Variants in TEX52 observed in about 807,000 individuals in gnomAD.
The protein encoded by TEX52 is testis-expressed protein 52.
A neutral mutation model predicts 17.6 loss-of-function variants in TEX52; 22 were observed. The ratio of observed to expected loss-of-function variants is 1.25; its 90% CI spans 0.89 to 1.78. The LOEUF (loss-of-function observed/expected upper bound fraction) is 1.78. Among genes scored for constraint, TEX52 ranks in the 40% most tolerant of loss-of-function variants. TEX52 has a pLI of 0.00. For synonymous variants in TEX52, 168 were observed against 147.4 expected (o/e 1.14, Z -1.01); for missense variants, 396 against 372.3 (o/e 1.06, Z -0.52).
chr12:2,847,785 G>A (rs911588673), downstream of TEX52, among the ~76,000 whole-genome samples: 3 of 151,958 alleles, frequency 2.0e-5, no homozygotes, highest in South Asian at 2.1e-4. Context: ...GGTACCTCAC[G>A]TAGGTGAAAT....
chr12:2,855,352 G>A lies in TEX52; in HGVS notation c.167C>T (p.Thr56Ile), dbSNP rs930975805. 3 of 1,387,670 alleles carry A rather than the reference G, an allele frequency of 2.2e-6. No homozygotes were observed. Among genetic ancestry groups the A allele is most frequent in the South Asian group, 2.4e-5 (2 of 82,238 alleles). The allele number at this position is 1,387,670 out of a possible 1,614,324, so 86.0% of individuals were successfully genotyped here. Residue 56 changes from threonine to isoleucine, a missense_variant, in exon 2 of 3, where the codon ACC (threonine) becomes ATC (isoleucine). By Grantham distance (89) the Thr-to-Ile change is moderately conservative (BLOSUM62 -1). Transcript: ENST00000637658. ...AGCCAGCTGGTGGTAGGCTTGCCGG[G>A]TGAAGCCAGGGAACTCCCAGGACTC... ...PSESWEFPGF[T>I]RQAYHQLALK...
At chr12:2,856,241 CTCTG>C (rs1238528536) in intron 1 of TEX52, among the ~76,000 whole-genome samples, 1 of 152,142 alleles carries the variant, frequency 6.6e-6, no homozygotes, top group African/African-American at 2.4e-5. Flanking sequence ...GACTTAAGCC[CTCTG>C]TCTGTGCTCT....
intron 2 of TEX52, among the ~76,000 whole-genome samples, chr12:2,852,931 C>T (rs968994027): frequency 3.3e-5 from 5 of 151,636 alleles, no homozygotes; most frequent in Admixed American, 6.6e-5. Flanking sequence ...ACCCAGGAGG[C>T]GGAGGTTGCA....
intron 2 of TEX52, among the ~76,000 whole-genome samples, chr12:2,851,640 G>A (rs2098071333): frequency 6.6e-6 from 1 of 151,782 alleles, no homozygotes; most frequent in Admixed American, 6.6e-5. Flanking sequence ...ACCACGCCCG[G>A]CCGCTAAATT....
Position 2,849,409 on chromosome 12 carries a change from T to C in TEX52, c.740A>G (p.Tyr247Cys). ...SWPCPNPLPH[Y>C]QEKVLKLALL... ...GGCCAGCTTTAGCACCTTCTCCTGG[T>C]AGTGAGGCAGAGGGTTTGGGCAGGG... The change falls in exon 3 of 3, where the codon TAC (tyrosine) becomes TGC (cysteine). Residue 247 changes from tyrosine to cysteine, a missense_variant. Physicochemically the swap from Tyr to Cys is radical, Grantham distance 194. Transcript: ENST00000637658. 1 of 1,536,118 alleles carries C rather than the reference T, an allele frequency of 6.5e-7. No homozygotes were observed. Among genetic ancestry groups the C allele is most frequent in the Non-Finnish European group, 8.7e-7 (1 of 1,146,908 alleles).
intron 2 of TEX52, 82 bp from the exon 3 acceptor site, chr12:2,849,607 T>C: frequency 6.9e-7 from 1 of 1,443,182 alleles, no homozygotes; most frequent in Non-Finnish European, 9.3e-7. Context: ...AGGGGAAGGG[T>C]GATGCCGCTG....
intron 2 of TEX52, among the ~76,000 whole-genome samples, chr12:2,850,726 G>A (rs948887403): frequency 2.0e-5 from 3 of 151,692 alleles, no homozygotes; most frequent in African/African-American, 7.3e-5. Context: ...AGGCCGGAGT[G>A]CAGTGGCACG....
chr12:2,854,415 C>T (rs2098080889), intron 2 of TEX52, among the ~76,000 whole-genome samples: 1 of 152,234 alleles, frequency 6.6e-6, no homozygotes, highest in Non-Finnish European at 1.5e-5. Context: ...CTCCCCCCTT[C>T]ATCGGTGAGG....
At chr12:2,853,465 G>A (rs981222113) in intron 2 of TEX52, among the ~76,000 whole-genome samples, 1 of 151,960 alleles carries the variant, frequency 6.6e-6, no homozygotes, top group Non-Finnish European at 1.5e-5. Context: ...TAGAGACGGG[G>A]TTTCACCATG....
chr12:2,855,586 G>A (rs932485388), intron 1 of TEX52, 140 bp from the exon 2 acceptor site: 7 of 566,832 alleles, frequency 1.2e-5, no homozygotes, highest in Non-Finnish European at 1.4e-5. Flanking sequence ...TCCTGGCAGG[G>A]CCGCATCTCC....
At position 2,849,155 on chromosome 12, in the gene TEX52, T is replaced by C; in HGVS notation, c.*76A>G. ...AGTCCTTTTGCTACCCCAGGGCCTC[T>C]TGCTGAAGGAGCATTGATTGAGAAC... is the stretch of plus-strand genomic sequence containing the variant. On this transcript the variant is annotated 3_prime_UTR_variant, in exon 3 of 3. Transcript: ENST00000637658. 1 of 1,428,412 alleles carries C rather than the reference T, an allele frequency of 7.0e-7. No homozygotes were observed. The highest frequency in any genetic ancestry group is 9.2e-7 in the Non-Finnish European group (1 of 1,084,920). The allele number at this position is 1,428,412 out of a possible 1,614,324, so 88.5% of individuals were successfully genotyped here. A position where few individuals can be genotyped will look rare whatever the true frequency, so the allele number is the denominator to read the frequency against.
intron 2 of TEX52, among the ~76,000 whole-genome samples, chr12:2,850,018 C>A (rs1004769378): frequency 6.6e-6 from 1 of 152,110 alleles, no homozygotes; most frequent in African/African-American, 2.4e-5. Context: ...GCCCCTGGTT[C>A]GGCAGATAGT....
chr12:2,853,840 G>T lies in TEX52; in HGVS notation c.623+1056C>A, dbSNP rs115674671. On this transcript the variant is annotated intron_variant, in intron 2 of 2. Coordinates refer to ENST00000637658, the MANE Select transcript of TEX52 (RefSeq NM_001365174.2). ...CACAGCGGCTCCTCTCAACGTTCCTGGCTCCGCTCCCGACTTCTCAGCCCT... is the reference window on the plus strand; with the variant it reads ...CACAGCGGCTCCTCTCAACGTTCCTTGCTCCGCTCCCGACTTCTCAGCCCT... Among the ~76,000 whole-genome samples the T allele has an allele frequency of 2.8e-3, 423 of 152,108 alleles. 7 individuals carry two copies. The highest frequency in any genetic ancestry group is 9.9e-3 in the African/African-American group (411 of 41,500).
chr12:2,849,216 C>T lies in TEX52; in HGVS notation c.*15G>A. ...GGGGCTCTGGGTATCACGATCGTCC[C>T]CTCTGGAAGCCCTTCTAGAAGTGTC... On this transcript the variant is annotated 3_prime_UTR_variant, in exon 3 of 3. Transcript: ENST00000637658. The T allele has an allele frequency of 1.0e-5, 16 of 1,529,926 alleles. No homozygotes were observed. Among genetic ancestry groups the T allele is most frequent in the Non-Finnish European group, 1.4e-5 (16 of 1,144,708 alleles). The allele number at this position is 1,529,926 out of a possible 1,614,324, so 94.8% of individuals were successfully genotyped here.
At chr12:2,848,877 G>GCA (rs3056877), downstream of TEX52, among the ~76,000 whole-genome samples, 39,465 of 140,042 alleles carry the variant, frequency 0.28, 5,508 homozygotes, top group Admixed American at 0.34. Flanking sequence ...ACACACACAC[G>GCA]CACACACACA....
chr12:2,851,839 T>C (rs919560898), intron 2 of TEX52, among the ~76,000 whole-genome samples: 1 of 151,750 alleles, frequency 6.6e-6, no homozygotes, highest in African/African-American at 2.4e-5. Flanking sequence ...CCACCACGCC[T>C]GACTAATTTT....
At chr12:2,851,988 T>G in intron 2 of TEX52, among the ~76,000 whole-genome samples, 1 of 152,260 alleles carries the variant, frequency 6.6e-6, no homozygotes, top group East Asian at 1.9e-4. Flanking sequence ...CCACTAAATT[T>G]ATTTTTAAAA....
Position 2,855,011 on chromosome 12 carries a change from T to C in TEX52, c.508A>G (p.Ile170Val), listed in dbSNP as rs1226157362. ...TTCAACTCCTTCACTGTCCTGAAAA[T>C]CACCTGCTTCTTCCTTTTCATGTCC... Reference protein sequence around the residue: ...FVDMKRKKQVIFRTVKELKEV... With the variant: ...FVDMKRKKQVVFRTVKELKEV... The change falls in exon 2 of 3, where the codon ATT (isoleucine) becomes GTT (valine). Residue 170 changes from isoleucine to valine, a missense_variant. By Grantham distance (29) the Ile-to-Val change is conservative. Coordinates refer to ENST00000637658, the MANE Select transcript of TEX52 (RefSeq NM_001365174.2). 7.9e-5 allele frequency: 122 copies of C among 1,536,110 alleles called. No individual in the cohort carries two copies. Among genetic ancestry groups the C allele is most frequent in the Non-Finnish European group, 1.0e-4 (120 of 1,146,916 alleles).
chr12:2,854,285 A>G lies in TEX52; in HGVS notation c.623+611T>C, dbSNP rs3759410. On this transcript the variant is annotated intron_variant, in intron 2 of 2. Coordinates refer to ENST00000637658, the MANE Select transcript of TEX52 (RefSeq NM_001365174.2). ...GGTGATCCGGCCGCCTCGGCCTCCT[A>G]AAGTTCTGGGATTACAGGCGTGAGC... Among the ~76,000 whole-genome samples, 1,463 of 152,116 alleles carry G rather than the reference A, an allele frequency of 9.6e-3. 58 individuals are homozygous for G. The highest frequency in any genetic ancestry group is 0.07 in the Admixed American group (1,072 of 15,290).
Sources: gnomAD v4.1 joint callset for allele counts (sites outside exome capture counted in the v4.1 genomes callset) on GRCh38, gnomAD v4.1.1 for gene constraint, MANE v1.5 for transcripts, NCBI Gene and HGNC (gene_info 2026-07-23, HGNC 2026-07-21) for gene names.